Variants in OR1J2 observed in about 807,000 individuals in gnomAD.
OR1J2 encodes olfactory receptor 1J2.
For synonymous variants in OR1J2, 142 were observed against 99.7 expected, an observed-to-expected ratio of 1.42 and a Z score of -2.52; for missense variants, 304 against 246.1, an observed-to-expected ratio of 1.24 and a Z score of -1.57.
At chr9:122,502,387 A>G in the OR1J2 span, among the ~76,000 whole-genome samples, 3 of 152,146 alleles carry the variant, frequency 2.0e-5, no homozygotes, top group Non-Finnish European at 2.9e-5. Context: ...ACTTAAATTC[A>G]CCATCTCACT....
chr9:122,565,577 C>T, the OR1J2 span, among the ~76,000 whole-genome samples: 3 of 152,164 alleles, frequency 2.0e-5, no homozygotes, highest in African/African-American at 7.2e-5. Flanking sequence ...CCCCCAATGG[C>T]ACCATTCCCA....
At chr9:122,577,526 AGTAAG>A in the OR1J2 span, among the ~76,000 whole-genome samples, 1 of 152,238 alleles carries the variant, frequency 6.6e-6, no homozygotes, top group Non-Finnish European at 1.5e-5. Flanking sequence ...TACAAGGTTC[AGTAAG>A]CATGTGAACA....
the OR1J2 span, among the ~76,000 whole-genome samples, chr9:122,490,344 C>A: frequency 2.1e-4 from 32 of 152,272 alleles, no homozygotes; most frequent in Admixed American, 1.2e-3. Context: ...ATATATATAT[C>A]TCTTTTCCTT....
At chr9:122,553,426 C>G in the OR1J2 span, 1 of 1,614,052 alleles carries the variant, frequency 6.2e-7, no homozygotes, top group Non-Finnish European at 8.5e-7. Context: ...CTGTCATTAA[C>G]TGATGCCTGT....
chr9:122,497,351 G>A, the OR1J2 span, among the ~76,000 whole-genome samples: 2 of 152,128 alleles, frequency 1.3e-5, no homozygotes, highest in South Asian at 2.1e-4. Flanking sequence ...TCTTCCTCCC[G>A]ATATTGGCCT....
the OR1J2 span, among the ~76,000 whole-genome samples, chr9:122,579,858 G>A: frequency 6.6e-6 from 1 of 152,316 alleles, no homozygotes; most frequent in African/African-American, 2.4e-5. Flanking sequence ...CATTGGAAAT[G>A]TTATAGAATC....
downstream of OR1J2, among the ~76,000 whole-genome samples, chr9:122,514,864 G>T (rs2119385931): frequency 6.6e-6 from 1 of 152,228 alleles, no homozygotes; most frequent in East Asian, 1.9e-4. Context: ...CTTGCAGTCT[G>T]CCCTTAGAGC....
chr9:122,495,355 G>T, the OR1J2 span, among the ~76,000 whole-genome samples: 1 of 152,096 alleles, frequency 6.6e-6, no homozygotes, highest in East Asian at 1.9e-4. Flanking sequence ...CATAGTCCCA[G>T]ACTTCTTAGA....
At chr9:122,553,499 G>A in the OR1J2 span, 14 of 1,613,742 alleles carry the variant, frequency 8.7e-6, no homozygotes, top group South Asian at 2.2e-5. Flanking sequence ...AGATCATCTC[G>A]TATTCTGGGT....
chr9:122,480,752 C>T, the OR1J2 span, among the ~76,000 whole-genome samples: 22,375 of 151,962 alleles, frequency 0.15, 2,041 homozygotes, highest in East Asian at 0.2. Flanking sequence ...TTTTCCTGAT[C>T]TCTCCCTCCT....
chr9:122,485,579 CTTT>C, the OR1J2 span, among the ~76,000 whole-genome samples: 3 of 152,180 alleles, frequency 2.0e-5, no homozygotes, highest in East Asian at 5.8e-4. Flanking sequence ...ATCTGAAATT[CTTT>C]TAGCAAGAGA....
chr9:122,562,906 A>T, the OR1J2 span, among the ~76,000 whole-genome samples: 2 of 152,314 alleles, frequency 1.3e-5, no homozygotes, highest in East Asian at 3.9e-4. Flanking sequence ...CACTTAAAAA[A>T]ATCCGTGTAT....
chr9:122,531,667 A>T, the OR1J2 span, among the ~76,000 whole-genome samples: 3 of 152,228 alleles, frequency 2.0e-5, no homozygotes, highest in Admixed American at 1.3e-4. Flanking sequence ...TTAAAAGACC[A>T]TTAGTCTGTT....
the OR1J2 span, among the ~76,000 whole-genome samples, chr9:122,466,105 G>A: frequency 6.6e-6 from 1 of 152,156 alleles, no homozygotes; most frequent in Non-Finnish European, 1.5e-5. Flanking sequence ...TACTTTTTGT[G>A]AAGGCCAGGC....
At chr9:122,537,788 A>G in the OR1J2 span, among the ~76,000 whole-genome samples, 1 of 152,200 alleles carries the variant, frequency 6.6e-6, no homozygotes, top group East Asian at 1.9e-4. Context: ...CACCAAGGAT[A>G]AGGTCAGAGC....
the OR1J2 span, among the ~76,000 whole-genome samples, chr9:122,459,819 A>G: frequency 2.0e-5 from 3 of 152,088 alleles, no homozygotes; most frequent in African/African-American, 7.2e-5. Flanking sequence ...ATTGTAGTCA[A>G]TGTGTGGTCT....
chr9:122,453,266 C>T, the OR1J2 span, among the ~76,000 whole-genome samples: 1 of 152,100 alleles, frequency 6.6e-6, no homozygotes, highest in Admixed American at 6.6e-5. Flanking sequence ...CCTTTACAGC[C>T]ATGCAAGAAT....
chr9:122,469,278 G>A, the OR1J2 span, among the ~76,000 whole-genome samples: 1 of 152,172 alleles, frequency 6.6e-6, no homozygotes, highest in African/African-American at 2.4e-5. Context: ...GGACCCAGTG[G>A]TAGATAATTT....
At chr9:122,568,594 C>T in the OR1J2 span, 1 of 654,236 alleles carries the variant, frequency 1.5e-6, no homozygotes, top group South Asian at 2.1e-5. Context: ...CAATTAGCTA[C>T]TGTGCTAATT....
Sources: allele counts gnomAD v4.1 joint callset (sites outside exome capture counted in the v4.1 genomes callset), GRCh38; gene constraint gnomAD v4.1.1; transcripts MANE v1.5; gene names NCBI Gene and HGNC (gene_info 2026-07-23, HGNC 2026-07-21).